The following TENT5D variants were observed in gnomAD, a reference collection of about 807,000 sequenced individuals.
The protein encoded by TENT5D is cancer/testis antigen 112.
For synonymous variants in TENT5D, 103 were observed against 100.6 expected, an observed-to-expected ratio of 1.02 and a Z score of -0.15; for missense variants, 191 against 287.0, an observed-to-expected ratio of 0.67 and a Z score of 2.42.
intron 3 of TENT5D, among the ~76,000 whole-genome samples, chrX:80,357,093 A>C (rs757862991): frequency 1.8e-5 from 2 of 111,828 alleles, no homozygotes; most frequent in South Asian, 7.5e-4. Context: ...ACATGAACTC[A>C]TCATTTTTTC....
At chrX:80,406,191 ACCTCTCCTCCTCCAAAGGAACG>A (rs1184985129) in intron 3 of TENT5D, among the ~76,000 whole-genome samples, 1 of 112,120 alleles carries the variant, frequency 8.9e-6, no homozygotes, top group East Asian at 2.8e-4. Flanking sequence ...AACGCAGAGC[ACCTCTCCTCCTCCAAAGGAACG>A]CAGTTCCTCA....
chrX:80,355,308 A>G (rs930070406), intron 3 of TENT5D, among the ~76,000 whole-genome samples: 1 of 111,762 alleles, frequency 8.9e-6, no homozygotes, highest in Non-Finnish European at 1.9e-5. Flanking sequence ...GCAAGTGGGT[A>G]TGGCCAGGCA....
intron 2 of TENT5D, among the ~76,000 whole-genome samples, chrX:80,439,399 C>T (rs746375101): frequency 2.7e-5 from 3 of 111,031 alleles, no homozygotes; most frequent in Non-Finnish European, 5.7e-5. Context: ...TCTATTTAGC[C>T]ATACTTTTTG....
At chrX:80,432,597 G>A (rs1277593434) in intron 1 of TENT5D, among the ~76,000 whole-genome samples, 2 of 111,794 alleles carry the variant, frequency 1.8e-5, no homozygotes. Context: ...TCATCCTTTA[G>A]ATGAATTCCT....
At chrX:80,404,875 T>C (rs1228419798) in intron 3 of TENT5D, among the ~76,000 whole-genome samples, 1 of 112,078 alleles carries the variant, frequency 8.9e-6, no homozygotes, top group African/African-American at 3.2e-5. Flanking sequence ...AATCTCGGTT[T>C]TTTTCTAAGC....
chrX:80,416,026 G>T (rs1314418338), upstream of TENT5D, among the ~76,000 whole-genome samples: 2 of 111,126 alleles, frequency 1.8e-5, no homozygotes, highest in Non-Finnish European at 3.8e-5. Flanking sequence ...CTCAGTTGTT[G>T]TATGTTTACA....
intron 1 of TENT5D, among the ~76,000 whole-genome samples, chrX:80,436,929 CT>C (rs1157191744): frequency 5.4e-5 from 6 of 111,623 alleles, no homozygotes; most frequent in African/African-American, 1.6e-4. Flanking sequence ...ACTTGCTTTC[CT>C]TTTTACTGCT....
chrX:80,347,119 A>G (rs1257280263), intron 3 of TENT5D, among the ~76,000 whole-genome samples: 1 of 111,616 alleles, frequency 9.0e-6, no homozygotes, highest in African/African-American at 3.3e-5. Context: ...GCTATTGTAA[A>G]TATTGCTGCA....
chrX:80,393,700 A>G (rs1272583862), intron 3 of TENT5D, among the ~76,000 whole-genome samples: 1 of 111,186 alleles, frequency 9.0e-6, no homozygotes, highest in Non-Finnish European at 1.9e-5. Flanking sequence ...TTTTACTATC[A>G]TTTCCTTATT....
At chrX:80,420,782 A>G (rs766177934) in intron 1 of TENT5D, among the ~76,000 whole-genome samples, 5 of 112,059 alleles carry the variant, frequency 4.5e-5, no homozygotes, top group Non-Finnish European at 9.4e-5. Context: ...TTGTTTTAAT[A>G]TTTTATTTTC....
At chrX:80,424,778 A>G (rs1445335968) in intron 1 of TENT5D, among the ~76,000 whole-genome samples, 1 of 112,669 alleles carries the variant, frequency 8.9e-6, no homozygotes, top group Non-Finnish European at 1.9e-5. Context: ...CAGCAAGAAT[A>G]ATTACCTTTA....
At position 80,397,453 on chromosome X, in the gene TENT5D, G is replaced by A. The variant is rs1280604918; in HGVS notation, c.-141-41157G>A. Among the ~76,000 whole-genome samples the A allele has an allele frequency of 1.9e-4, 21 of 108,036 alleles. 1 individual carries two copies. The highest frequency in any genetic ancestry group is 7.1e-4 in the African/African-American group (21 of 29,568). 93.8% of individuals were successfully genotyped at this position (108,036 alleles called of 115,157 possible). On this transcript the variant is annotated intron_variant, in intron 3 of 4. Coordinates refer to the TENT5D transcript ENST00000538312. ...CGCTCCTCACTTTCCAGACTGGGCAGCCAGGCAGAGGGGCTCCTCACGTCC... is the reference window on the plus strand; with the variant it reads ...CGCTCCTCACTTTCCAGACTGGGCAACCAGGCAGAGGGGCTCCTCACGTCC...
intron 3 of TENT5D, among the ~76,000 whole-genome samples, chrX:80,384,582 A>G (rs1191685340): frequency 1.1e-5 from 1 of 88,388 alleles, no homozygotes; most frequent in Non-Finnish European, 2.2e-5. Context: ...CAGGGCAATC[A>G]GGCAGGAGAA....
At chrX:80,359,118 C>G (rs1930351139) in intron 3 of TENT5D, among the ~76,000 whole-genome samples, 1 of 112,144 alleles carries the variant, frequency 8.9e-6, no homozygotes, top group African/African-American at 3.2e-5. Flanking sequence ...CATCTCACAG[C>G]AGTTAGAATG....
At position 80,443,141 on chromosome X, in the gene TENT5D, T is replaced by C. The variant is rs775490438; in HGVS notation, c.602T>C (p.Val201Ala). 4 of 1,210,999 alleles carry C rather than the reference T, an allele frequency of 3.3e-6. No individual in the cohort carries two copies. In the South Asian group the frequency reaches 5.3e-5, roughly 16 times the overall value. Residue 201 changes from valine to alanine, a missense_variant, in exon 3 of 3, where the codon GTT (valine) becomes GCT (alanine). Coordinates refer to ENST00000308293, the Ensembl canonical transcript of TENT5D. ...AAGCTAACCAAAGAATCCTATCCTG[T>C]TGTGGTAGCTGAAAGCATGTATGGA...
At chrX:80,410,795 G>A (rs1931643657) in intron 3 of TENT5D, among the ~76,000 whole-genome samples, 1 of 109,513 alleles carries the variant, frequency 9.1e-6, no homozygotes, top group Admixed American at 9.8e-5. Context: ...ACATGCACAC[G>A]TATGTTTATT....
At chrX:80,342,644 A>G (rs1929982117) in intron 3 of TENT5D, 1 of 112,381 alleles carries the variant, frequency 8.9e-6, no homozygotes, top group South Asian at 3.6e-4. Flanking sequence ...TAAAGACCAT[A>G]CATCAGATTA....
At chrX:80,420,689 A>G (rs1383305257) in intron 1 of TENT5D, 126 bp downstream of exon 1, 1 of 112,405 alleles carries the variant, frequency 8.9e-6, no homozygotes, top group African/African-American at 3.2e-5. Flanking sequence ...TTTGAAAATT[A>G]TCTCTTTCAT....
rs773908265 is a variant in TENT5D, at chrX:80,443,646, A to AC, written c.1113dup (p.Val372ArgfsTer2). 8.3e-7 allele frequency: 1 copy of AC among 1,201,485 alleles called. No homozygotes were observed. Among genetic ancestry groups the AC allele is most frequent in the Non-Finnish European group, 1.1e-6 (1 of 889,727 alleles). On this transcript the variant is annotated frameshift_variant, in exon 3 of 3. Coordinates refer to ENST00000308293, the Ensembl canonical transcript of TENT5D. LOFTEE classifies it low-confidence loss of function (END_TRUNC). ...ACCCTATTTATGTAATACCTGAGCC[A>AC]CCCCCCGTTAGCTTCCAGCCATACC...
Sources: gnomAD v4.1 joint callset for allele counts (sites outside exome capture counted in the v4.1 genomes callset) on GRCh38, gnomAD v4.1.1 for gene constraint, MANE v1.5 for transcripts, NCBI Gene and HGNC (gene_info 2026-07-23, HGNC 2026-07-21) for gene names.